COL24A1: variants seen among roughly 807,000 people sequenced by gnomAD.
The protein encoded by COL24A1 is collagen alpha-1(XXIV) chain.
COL24A1 carries 224 observed loss-of-function variants against 253.9 expected under a neutral mutation model. The observed-to-expected ratio is 0.88, with a 90% confidence interval of 0.79 to 0.99. The LOEUF is 0.99. Among genes scored for constraint, COL24A1 ranks in the 50% least tolerant of loss-of-function variants. The pLI is 0.00. For missense variants in COL24A1, 2,131 were observed against 2,068.5 expected, an observed-to-expected ratio of 1.03 and a Z score of -0.59; for synonymous variants, 685 against 673.7, an observed-to-expected ratio of 1.02 and a Z score of -0.26.
intron 40 of COL24A1, 104 bp downstream of exon 40, chr1:85,842,236 G>C: frequency 7.4e-7 from 1 of 1,346,864 alleles, no homozygotes; most frequent in Non-Finnish European, 1.0e-6. Flanking sequence ...AAATATGTTA[G>C]AAAGGTTTAT....
intron 1 of COL24A1, among the ~76,000 whole-genome samples, chr1:86,147,606 T>TA (rs1557824166): frequency 6.6e-6 from 1 of 152,188 alleles, no homozygotes; most frequent in African/African-American, 2.4e-5. Flanking sequence ...GAGGAACTTG[T>TA]AAAAAATGCA....
intron 1 of COL24A1, among the ~76,000 whole-genome samples, chr1:86,147,738 T>C (rs1557824758): frequency 6.6e-6 from 1 of 152,358 alleles, no homozygotes; most frequent in East Asian, 1.9e-4. Flanking sequence ...GAGAAAAAAC[T>C]ATTTAGAACA....
At chr1:85,854,825 T>C (rs1236814417) in intron 37 of COL24A1, among the ~76,000 whole-genome samples, 1 of 151,978 alleles carries the variant, frequency 6.6e-6, no homozygotes, top group Non-Finnish European at 1.5e-5. Flanking sequence ...CGCCTCAGCC[T>C]CCTGAGTAGC....
intron 4 of COL24A1, among the ~76,000 whole-genome samples, chr1:86,113,573 C>A (rs766337344): frequency 6.6e-6 from 1 of 151,968 alleles, no homozygotes; most frequent in Non-Finnish European, 1.5e-5. Flanking sequence ...GTGGCTTACA[C>A]CTGTAATTCT....
chr1:85,835,989 T>C (rs1370004803), intron 43 of COL24A1, among the ~76,000 whole-genome samples: 1 of 152,202 alleles, frequency 6.6e-6, no homozygotes, highest in East Asian at 1.9e-4. Context: ...TCCCTATACC[T>C]GGAGGAAAGG....
At position 85,932,631 on chromosome 1, in the gene COL24A1, T is replaced by C. The variant is rs2103099690; in HGVS notation, c.2563-21198A>G. Among the ~76,000 whole-genome samples the C allele has an allele frequency of 2.6e-5, 2 of 78,056 alleles. 1 individual carries two copies. The highest frequency in any genetic ancestry group is 1.4e-3 in the South Asian group (2 of 1,464). The allele number at this position is 78,056 out of a possible 152,430, so 51.2% of individuals were successfully genotyped here. On this transcript the variant is annotated intron_variant, in intron 24 of 59. Transcript: ENST00000370571. ...TAAATCATGCTGCTATAAAGACACATGCACACGTATGTTTATTGCGGCACT... is the reference window on the plus strand; with the variant it reads ...TAAATCATGCTGCTATAAAGACACACGCACACGTATGTTTATTGCGGCACT...
At chr1:86,011,280 G>C (rs1330760403) in intron 19 of COL24A1, among the ~76,000 whole-genome samples, 1 of 152,122 alleles carries the variant, frequency 6.6e-6, no homozygotes, top group African/African-American at 2.4e-5. Flanking sequence ...GGTAACGGTG[G>C]TGGCTACTGA....
chr1:85,845,460 C>G (rs540303818), intron 39 of COL24A1, among the ~76,000 whole-genome samples: 30 of 151,822 alleles, frequency 2.0e-4, no homozygotes, highest in Non-Finnish European at 3.2e-4. Flanking sequence ...GTAAACAACA[C>G]TTGATATTAT....
rs769748828 is a variant in COL24A1 at position 85,823,510 on chromosome 1, A to G, written c.3789+26T>C. The G allele has an allele frequency of 3.7e-6, 6 of 1,610,326 alleles. No individual in the cohort carries two copies. The Admixed American group carries it at 1.0e-4, about 27-fold the overall frequency. On this transcript the variant is annotated intron_variant, in intron 45 of 59. Coordinates refer to ENST00000370571, the MANE Select transcript of COL24A1 (RefSeq NM_152890.7). ...CTAAAATTGCTAACAATACATCTCA[A>G]ATTGCCTTAAATAATTTCAACTTAC... is the stretch of plus-strand genomic sequence containing the variant.
At chr1:86,107,101 T>C (rs1705053919) in intron 5 of COL24A1, among the ~76,000 whole-genome samples, 1 of 152,212 alleles carries the variant, frequency 6.6e-6, no homozygotes, top group African/African-American at 2.4e-5. Flanking sequence ...ACCCCACCAC[T>C]ATCCTGCCTT....
At chr1:85,846,483 G>A (rs954269233) in intron 39 of COL24A1, among the ~76,000 whole-genome samples, 10 of 151,678 alleles carry the variant, frequency 6.6e-5, no homozygotes, top group Non-Finnish European at 1.5e-4. Flanking sequence ...AATATATTTT[G>A]TAACATATTT....
chr1:85,831,851 A>T (rs1449544919), intron 43 of COL24A1, among the ~76,000 whole-genome samples: 1 of 152,068 alleles, frequency 6.6e-6, no homozygotes, highest in Non-Finnish European at 1.5e-5. Context: ...CTAGTTGGGA[A>T]GCTATTGAAA....
chr1:85,744,906 A>G, intron 56 of COL24A1, 72 bp from the exon 57 acceptor site: 1 of 1,186,176 alleles, frequency 8.4e-7, no homozygotes, highest in South Asian at 1.4e-5. Flanking sequence ...GCAGGAGAAG[A>G]ATGTGTTTCC....
At chr1:85,793,906 C>T (rs1372877942) in intron 47 of COL24A1, among the ~76,000 whole-genome samples, 1 of 151,358 alleles carries the variant, frequency 6.6e-6, no homozygotes, top group Non-Finnish European at 1.5e-5. Flanking sequence ...TGATGAATAG[C>T]ACCCTCCCTA....
chr1:86,066,969 T>C (rs992728762), intron 7 of COL24A1, among the ~76,000 whole-genome samples: 4 of 151,964 alleles, frequency 2.6e-5, no homozygotes. Flanking sequence ...GAAACCCGTC[T>C]CTATTAAAAA....
At chr1:86,132,249 T>C (rs1160309694) in intron 2 of COL24A1, among the ~76,000 whole-genome samples, 1 of 152,228 alleles carries the variant, frequency 6.6e-6, no homozygotes, top group Non-Finnish European at 1.5e-5. Context: ...GAGTTCATTG[T>C]AGATTCTGGA....
chr1:85,963,296 G>T (rs1691242384), intron 23 of COL24A1, among the ~76,000 whole-genome samples: 1 of 152,082 alleles, frequency 6.6e-6, no homozygotes, highest in Non-Finnish European at 1.5e-5. Context: ...TTAACAGGCA[G>T]TTCATTAGAC....
rs538781776 is a variant in COL24A1 at position 86,059,050 on chromosome 1, C to T, written c.1806+71G>A. 27 of 943,540 alleles carry T rather than the reference C, an allele frequency of 2.9e-5. No homozygotes were observed. The Admixed American group carries it at 5.0e-4, about 17-fold the overall frequency. 58.4% of individuals were successfully genotyped at this position (943,540 alleles called of 1,614,324 possible). A position where few individuals can be genotyped will look rare whatever the true frequency, so the allele number is the denominator to read the frequency against. ...TAAAAAAACTATTTGAACATTAATT[C>T]TCAAAATCAGAAATACAATGTATTA... On this transcript the variant is annotated intron_variant, in intron 9 of 59. Coordinates refer to ENST00000370571, the MANE Select transcript of COL24A1 (RefSeq NM_152890.7).
intron 24 of COL24A1, among the ~76,000 whole-genome samples, chr1:85,912,855 G>T (rs1367859174): frequency 6.6e-6 from 1 of 152,162 alleles, no homozygotes; most frequent in African/African-American, 2.4e-5. Context: ...TAGAAAGAAT[G>T]TAAAATAGCT....
Sources: gnomAD v4.1 joint callset for allele counts (sites outside exome capture counted in the v4.1 genomes callset) on GRCh38, gnomAD v4.1.1 for gene constraint, MANE v1.5 for transcripts, NCBI Gene and HGNC (gene_info 2026-07-23, HGNC 2026-07-21) for gene names.